The following RHBDF2 variants were observed in gnomAD, a reference collection of about 807,000 sequenced individuals.
RHBDF2 encodes rhomboid 5 homolog 2, also known as inactive rhomboid protein 2.
In RHBDF2, 38 loss-of-function variants were observed where a neutral mutation model predicts 95.2. That is an observed-to-expected ratio of 0.40 (90% CI 0.31 to 0.52). The LOEUF is 0.52. RHBDF2 is among the 20% of genes least tolerant of loss of function. The pLI, the probability that RHBDF2 is intolerant of heterozygous loss-of-function variation, is 0.56. For missense variants in RHBDF2, 863 were observed against 1,137.7 expected (o/e 0.76, Z 3.47); for synonymous variants, 442 against 462.0 (o/e 0.96, Z 0.55).
Position 76,471,426 on chromosome 17 carries a change from C to T in RHBDF2, c.*207G>A. 1 of 588,328 alleles carries T rather than the reference C, an allele frequency of 1.7e-6. No individual in the cohort carries two copies. The highest frequency in any genetic ancestry group is 3.0e-6 in the Non-Finnish European group (1 of 338,066). 36.4% of individuals were successfully genotyped at this position (588,328 alleles called of 1,614,324 possible). A position where few individuals can be genotyped will look rare whatever the true frequency, so the allele number is the denominator to read the frequency against. On this transcript the variant is annotated 3_prime_UTR_variant, in exon 19 of 19. Transcript: ENST00000675367. ...TGCCTGAGCTTGGGTCAGGATCTCACAGGCCTCACGCCCCAGAAAAACCCC... is the reference window on the plus strand; with the variant it reads ...TGCCTGAGCTTGGGTCAGGATCTCATAGGCCTCACGCCCCAGAAAAACCCC...
chr17:76,476,985 G>A lies in RHBDF2; in HGVS notation c.960C>T (p.Arg320=), dbSNP rs752690543. 86 of 1,613,798 alleles carry A rather than the reference G, an allele frequency of 5.3e-5. 1 individual carries two copies. Among genetic ancestry groups the A allele is most frequent in the South Asian group, 1.5e-4 (14 of 91,084 alleles). The part of the protein sequence containing the change: ...YGRAPVPGPR[R]GKRIASKVKH... The stretch of plus-strand genomic sequence containing the variant: ...TCACCTTGGAGGCGATGCGCTTGCC[G>A]CGCCGGGGCCCGGGGACTGGGGCTC... Residue 320 remains arginine, a synonymous_variant, in exon 9 of 19, where the codon CGC becomes CGT. Transcript: ENST00000675367.
At chr17:76,472,250 C>T in intron 18 of RHBDF2, 198 bp from the exon 19 acceptor site, 1 of 616,488 alleles carries the variant, frequency 1.6e-6, no homozygotes, top group Non-Finnish European at 2.8e-6. Flanking sequence ...ACACTGAGCG[C>T]CTACTGTGTA....
At position 76,479,673 on chromosome 17, in the gene RHBDF2, C is replaced by G. The variant is rs376642106; in HGVS notation, c.272+60G>C. 1.8e-4 allele frequency: 237 copies of G among 1,336,238 alleles called. 1 individual carries two copies. In the African/African-American group the frequency reaches 3.0e-3, roughly 17 times the overall value. 82.8% of individuals were successfully genotyped at this position (1,336,238 alleles called of 1,614,324 possible). ...GGGACCAGGCCCAATCATGTCCAGG[C>G]CCCGAGAATCCACAGGTTGCTGGGT... On this transcript the variant is annotated intron_variant, in intron 4 of 18. Transcript: ENST00000675367.
At chr17:76,496,785 G>A (rs538792692) in intron 1 of RHBDF2, among the ~76,000 whole-genome samples, 20 of 151,896 alleles carry the variant, frequency 1.3e-4, no homozygotes, top group South Asian at 6.2e-4. Flanking sequence ...TTTTTGAGAC[G>A]GAGTCTCGCT....
chr17:76,476,987 G>A lies in RHBDF2; in HGVS notation c.958C>T (p.Arg320Cys), dbSNP rs755603496. Residue 320 changes from arginine to cysteine, a missense_variant, in exon 9 of 19, where the codon CGC (arginine) becomes TGC (cysteine). This residue lies in a region of RHBDF2 where 611 missense variants were observed against 725.5 expected (regional missense o/e 0.84). Transcript: ENST00000675367. ...YGRAPVPGPR[R>C]GKRIASKVKH... ...ACCTTGGAGGCGATGCGCTTGCCGC[G>A]CCGGGGCCCGGGGACTGGGGCTCGG... The A allele has an allele frequency of 1.5e-5, 25 of 1,613,754 alleles. No homozygotes were observed. The highest frequency in any genetic ancestry group is 2.2e-5 in the South Asian group (2 of 91,086).
rs781186202 is a variant in RHBDF2 at position 76,476,984 on chromosome 17, C to T, written c.961G>A (p.Gly321Ser). 81 of 1,613,778 alleles carry T rather than the reference C, an allele frequency of 5.0e-5. No individual in the cohort carries two copies. Among genetic ancestry groups the T allele is most frequent in the Non-Finnish European group, 6.1e-5 (72 of 1,180,048 alleles). Residue 321 changes from glycine (G) to serine (S), a missense_variant, in exon 9 of 19, where the codon GGC (glycine) becomes AGC (serine). Transcript: ENST00000675367. ...TTCACCTTGGAGGCGATGCGCTTGC[C>T]GCGCCGGGGCCCGGGGACTGGGGCT... ...GRAPVPGPRR[G>S]KRIASKVKHF...
intron 9 of RHBDF2, 81 bp downstream of exon 9, chr17:76,476,749 G>T: frequency 6.8e-7 from 1 of 1,468,890 alleles, no homozygotes; most frequent in Non-Finnish European, 9.0e-7. Flanking sequence ...CTTGCTGAAT[G>T]AGTAAGGGGG....
chr17:76,479,764 G>T lies in RHBDF2; in HGVS notation c.241C>A (p.Arg81Ser). Reference sequence around the variant, plus strand: ...ATGCTCTGGGACAGTGAGGCCTGGCGGCGGAAGCCAGGGCGCTTCTCTGAA... The same window carrying T: ...ATGCTCTGGGACAGTGAGGCCTGGCTGCGGAAGCCAGGGCGCTTCTCTGAA... Reference protein sequence around the residue: ...ESSEKRPGFRRQASLSQSIRK... With the variant: ...ESSEKRPGFRSQASLSQSIRK... The change falls in exon 4 of 19, where the codon CGC becomes AGC. Residue 81 changes from arginine to serine, a missense_variant. This residue lies in a region of RHBDF2 where 611 missense variants were observed against 725.5 expected (regional missense o/e 0.84). Transcript: ENST00000675367. The T allele has an allele frequency of 6.2e-7, 1 of 1,612,332 alleles. No individual in the cohort carries two copies. Among genetic ancestry groups the T allele is most frequent in the Non-Finnish European group, 8.5e-7 (1 of 1,179,898 alleles).
rs2073552587 is a variant in RHBDF2 at position 76,471,380 on chromosome 17, G to C, written c.*253C>G. 2 of 514,488 alleles carry C rather than the reference G, an allele frequency of 3.9e-6. No homozygotes were observed. The allele number at this position is 514,488 out of a possible 1,614,324, so 31.9% of individuals were successfully genotyped here. On this transcript the variant is annotated 3_prime_UTR_variant, in exon 19 of 19. Coordinates refer to ENST00000675367, the MANE Select transcript of RHBDF2 (RefSeq NM_001005498.4). ...ATTAGGAACTGAGACCCAAGACTCA[G>C]AGAGGCAGGTGCCTTGGGTGTGCCT...
At position 76,484,993 on chromosome 17, in the gene RHBDF2, C is replaced by T. The variant is rs572112119; in HGVS notation, c.-22+2719G>A. Among the ~76,000 whole-genome samples, 7 of 152,266 alleles carry T rather than the reference C, an allele frequency of 4.6e-5. 1 individual carries two copies. Among genetic ancestry groups the T allele is most frequent in the South Asian group, 4.1e-4 (2 of 4,820 alleles). ...GGAGCAAATGAGTGGATGATGTCAC[C>T]GGGCACAGTGGCTCACGCCTGTAAT... On this transcript the variant is annotated intron_variant, in intron 2 of 18. Coordinates refer to ENST00000675367, the MANE Select transcript of RHBDF2 (RefSeq NM_001005498.4).
In RHBDF2 at chr17:76,474,516, C is replaced by T. The variant is rs1164876391; in HGVS notation, c.1321G>A (p.Gly441Arg). ...CGGATGCAGGGTGAGAACTTGGCCC[C>T]CAGGTGGATCAGGTCAATCTGGGGA... Reference protein sequence around the residue: ...GPSSIDLIHLGAKFSPCIRKD... With the variant: ...GPSSIDLIHLRAKFSPCIRKD... The change falls in exon 12 of 19, where the codon GGG (glycine) becomes AGG (arginine). Residue 441 changes from glycine to arginine, a missense_variant. Transcript: ENST00000675367. The T allele has an allele frequency of 1.2e-6, 2 of 1,614,050 alleles. No homozygotes were observed. Among genetic ancestry groups the T allele is most frequent in the Non-Finnish European group, 1.7e-6 (2 of 1,180,034 alleles).
chr17:76,499,493 C>T (rs978961453), intron 1 of RHBDF2, among the ~76,000 whole-genome samples: 3 of 152,220 alleles, frequency 2.0e-5, no homozygotes, highest in Non-Finnish European at 2.9e-5. Flanking sequence ...CATCTCTCAC[C>T]TCTGCTCAGC....
chr17:76,485,626 C>T (rs2074105613), intron 2 of RHBDF2, among the ~76,000 whole-genome samples: 1 of 152,146 alleles, frequency 6.6e-6, no homozygotes, highest in African/African-American at 2.4e-5. Flanking sequence ...GATGGCTTCA[C>T]ACACTGAAGC....
Position 76,477,000 on chromosome 17 carries a change from G to C in RHBDF2, c.945C>G (p.Val315=), listed in dbSNP as rs762459842. 6.2e-7 allele frequency: 1 copy of C among 1,613,840 alleles called. No individual in the cohort carries two copies. The highest frequency in any genetic ancestry group is 1.1e-5 in the South Asian group (1 of 91,068). Residue 315 remains valine, a synonymous_variant, in exon 9 of 19, where the codon GTC becomes GTG. Transcript: ENST00000675367. The part of the protein sequence containing the change: ...IPLKEYGRAP[V]PGPRRGKRIA... ...TGCGCTTGCCGCGCCGGGGCCCGGG[G>C]ACTGGGGCTCGGCCATACTCCTTCC...
rs1215216981 is a variant in RHBDF2 at position 76,479,262 on chromosome 17, C to A, written c.288G>T (p.Trp96Cys). ...CCTCCCAGTCGCCGCTGACTCCAAA[C>A]CACTGGGCTGCGCCCCTGCGGAAGC... ...SQSIRKGAAQ[W>C]FGVSGDWEGQ... The change falls in exon 5 of 19, where the codon TGG becomes TGT. Residue 96 changes from tryptophan (W) to cysteine (C), a missense_variant. Trp to Cys is a radical substitution (Grantham distance 215, BLOSUM62 -2). Coordinates refer to ENST00000675367, the MANE Select transcript of RHBDF2 (RefSeq NM_001005498.4). 3 of 1,602,676 alleles carry A rather than the reference C, an allele frequency of 1.9e-6. No individual in the cohort carries two copies. The East Asian group carries it at 6.7e-5, about 36-fold the overall frequency.
chr17:76,480,006 AATGTGTGTGTGTG>A, intron 3 of RHBDF2, 152 bp from the exon 4 acceptor site: 4 of 598,152 alleles, frequency 6.7e-6, no homozygotes, highest in East Asian at 3.8e-5. Context: ...ATATATATAT[AATGTGTGTGTGTG>A]TGTGTGTGTG....
chr17:76,479,036 A>G (rs1321165781), intron 5 of RHBDF2, 27 bp from the exon 6 acceptor site: 1 of 1,610,366 alleles, frequency 6.2e-7, no homozygotes, highest in South Asian at 1.1e-5. Flanking sequence ...CGGTAAGCAG[A>G]GCCATTAGGG....
At chr17:76,490,529 T>C (rs1010304175) in intron 1 of RHBDF2, among the ~76,000 whole-genome samples, 15 of 151,884 alleles carry the variant, frequency 9.9e-5, no homozygotes, top group Admixed American at 4.6e-4. Context: ...CAAGAGGGCA[T>C]GGGGAGGGCA....
intron 1 of RHBDF2, among the ~76,000 whole-genome samples, chr17:76,492,343 G>A (rs2074323505): frequency 6.6e-6 from 1 of 152,162 alleles, no homozygotes; most frequent in Non-Finnish European, 1.5e-5. Context: ...AACCCAGCTG[G>A]CAGCAGCGGA....
Sources: gnomAD v4.1 joint callset for allele counts (sites outside exome capture counted in the v4.1 genomes callset) on GRCh38, gnomAD v4.1.1 for gene constraint, gnomAD v4.1.1 regional missense constraint, MANE v1.5 for transcripts, NCBI Gene and HGNC (gene_info 2026-07-23, HGNC 2026-07-21) for gene names.